GRAMD2B: variants seen among roughly 807,000 people sequenced by gnomAD.
The protein encoded by GRAMD2B is GRAM domain-containing protein 2B.
Under a neutral mutation model 59.2 loss-of-function variants are expected in GRAMD2B, and 41 were observed. That is an observed-to-expected ratio of 0.69 (90% confidence interval 0.54 to 0.90). The LOEUF (loss-of-function observed/expected upper bound fraction) is 0.90, where lower values mean the gene tolerates loss of function less well. GRAMD2B is among the 40% of genes least tolerant of loss of function. The pLI is 0.00. For synonymous variants in GRAMD2B, 161 were observed against 182.7 expected (o/e 0.88, Z 0.96); for missense variants, 424 against 500.5 (o/e 0.85, Z 1.46).
At position 126,493,258 on chromosome 5, in the gene GRAMD2B, C is replaced by T. The variant is rs1283606468; in HGVS notation, c.*302C>T. The T allele has an allele frequency of 1.4e-5, 5 of 348,904 alleles. No individual in the cohort carries two copies. Among genetic ancestry groups the T allele is most frequent in the South Asian group, 9.3e-5 (2 of 21,436 alleles). The allele number at this position is 348,904 out of a possible 1,614,324, so 21.6% of individuals were successfully genotyped here. ...AACACACTCTCTTGGATAATTACCA[C>T]GATGGCGTCAGCAAACACTCCACCC... On this transcript the variant is annotated 3_prime_UTR_variant, in exon 14 of 14. Coordinates refer to ENST00000285689, the MANE Select transcript of GRAMD2B (RefSeq NM_023927.4).
At chr5:126,470,396 G>A (rs759940234) in intron 3 of GRAMD2B, among the ~76,000 whole-genome samples, 31 of 151,682 alleles carry the variant, frequency 2.0e-4, no homozygotes, top group Admixed American at 1.4e-3. Context: ...AAAAACCATC[G>A]GCACACCCAA....
chr5:126,437,761 A>C (rs939124694), intron 1 of GRAMD2B, among the ~76,000 whole-genome samples: 2 of 152,256 alleles, frequency 1.3e-5, no homozygotes, highest in African/African-American at 4.8e-5. Context: ...AAGTACAACC[A>C]AGAGCAGCTA....
At position 126,480,816 on chromosome 5, in the gene GRAMD2B, A is replaced by G. The variant is rs1561597192; in HGVS notation, c.735+109A>G. 4.6e-6 allele frequency: 4 copies of G among 874,532 alleles called. No individual in the cohort carries two copies. In the East Asian group the frequency reaches 7.5e-5, roughly 16 times the overall value. The allele number at this position is 874,532 out of a possible 1,614,324, so 54.2% of individuals were successfully genotyped here. On this transcript the variant is annotated intron_variant, in intron 8 of 13. Coordinates refer to ENST00000285689, the MANE Select transcript of GRAMD2B (RefSeq NM_023927.4). ...TGTGGGAAGAGCTTAGGACCAAAATATTTGAGGTACAGTTGAAGAAACAGG... is the reference window on the plus strand; with the variant it reads ...TGTGGGAAGAGCTTAGGACCAAAATGTTTGAGGTACAGTTGAAGAAACAGG...
At chr5:126,431,142 C>T (rs922638540) in intron 1 of GRAMD2B, among the ~76,000 whole-genome samples, 2 of 152,038 alleles carry the variant, frequency 1.3e-5, no homozygotes, top group Non-Finnish European at 2.9e-5. Flanking sequence ...ACGCTATTGT[C>T]ATTTTAAGGC....
intron 2 of GRAMD2B, chr5:126,467,712 T>C (rs1768720834): frequency 6.6e-6 from 1 of 152,226 alleles, no homozygotes; most frequent in Non-Finnish European, 1.5e-5. Flanking sequence ...TGTTTTTTCA[T>C]AGCTTCCAAA....
At chr5:126,405,140 G>T (rs775389372) in intron 1 of GRAMD2B, among the ~76,000 whole-genome samples, 4 of 151,810 alleles carry the variant, frequency 2.6e-5, no homozygotes, top group Admixed American at 1.3e-4. Flanking sequence ...GCAGAATAAG[G>T]TGAGGAGGTA....
upstream of GRAMD2B, among the ~76,000 whole-genome samples, chr5:126,368,464 C>T (rs998578426): frequency 6.6e-6 from 1 of 152,248 alleles, no homozygotes; most frequent in Admixed American, 6.5e-5. Context: ...GCTATAACTA[C>T]TTGCACATTT....
upstream of GRAMD2B, among the ~76,000 whole-genome samples, chr5:126,370,990 G>A (rs1017942055): frequency 1.3e-5 from 2 of 152,212 alleles, no homozygotes; most frequent in African/African-American, 4.8e-5. Flanking sequence ...CATTTCCTGC[G>A]TGAGTACAGG....
At chr5:126,414,090 C>T (rs541965441) in intron 1 of GRAMD2B, among the ~76,000 whole-genome samples, 15 of 152,240 alleles carry the variant, frequency 9.9e-5, no homozygotes, top group Non-Finnish European at 1.5e-4. Flanking sequence ...TCGACAATCC[C>T]TTAGACATCC....
At chr5:126,403,748 A>G (rs1758027143) in intron 1 of GRAMD2B, among the ~76,000 whole-genome samples, 1 of 151,946 alleles carries the variant, frequency 6.6e-6, no homozygotes, top group African/African-American at 2.4e-5. Flanking sequence ...ATCTCCACAC[A>G]CTGAAAGACT....
chr5:126,473,994 G>T (rs1174257620), intron 5 of GRAMD2B, among the ~76,000 whole-genome samples: 1 of 152,110 alleles, frequency 6.6e-6, no homozygotes, highest in Non-Finnish European at 1.5e-5. Flanking sequence ...ACATCCTGAG[G>T]CATTAAGGAG....
rs1331558008 is a variant in GRAMD2B at position 126,494,259 on chromosome 5, T to A, written c.*1303T>A. The A allele has an allele frequency of 6.6e-6, 1 of 152,016 alleles. No individual in the cohort carries two copies. The highest frequency in any genetic ancestry group is 1.5e-5 in the Non-Finnish European group (1 of 68,008). 9.4% of individuals were successfully genotyped at this position (152,016 alleles called of 1,614,324 possible). A position where few individuals can be genotyped will look rare whatever the true frequency, so the allele number is the denominator to read the frequency against. On this transcript the variant is annotated 3_prime_UTR_variant, in exon 14 of 14. Coordinates refer to ENST00000285689, the MANE Select transcript of GRAMD2B (RefSeq NM_023927.4). ...CCATCTACTACTACCAACTCACTTA[T>A]ACTTCCTTCCTCCCAAGTAATCATT...
At chr5:126,450,142 G>A (rs1207295741) in intron 1 of GRAMD2B, among the ~76,000 whole-genome samples, 3 of 152,036 alleles carry the variant, frequency 2.0e-5, no homozygotes, top group South Asian at 2.1e-4. Context: ...TGTAGTTATC[G>A]TAGATGCCAG....
At chr5:126,363,985 T>C (rs1215237683) in intron 1 of GRAMD2B, among the ~76,000 whole-genome samples, 3 of 152,256 alleles carry the variant, frequency 2.0e-5, no homozygotes, top group Non-Finnish European at 4.4e-5. Context: ...ATGTAAATTA[T>C]ATCTTAATAA....
At chr5:126,419,950 G>C (rs1418319972), upstream of GRAMD2B, among the ~76,000 whole-genome samples, 3 of 151,518 alleles carry the variant, frequency 2.0e-5, no homozygotes, top group East Asian at 5.8e-4. Context: ...AGCTACTCGA[G>C]AGGCTGAGGC....
At chr5:126,389,171 C>T (rs1453255675) in intron 1 of GRAMD2B, among the ~76,000 whole-genome samples, 8 of 152,158 alleles carry the variant, frequency 5.3e-5, no homozygotes, top group Admixed American at 5.2e-4. Flanking sequence ...TTAGTTTGCT[C>T]TCCTGTTAAA....
intron 2 of GRAMD2B, among the ~76,000 whole-genome samples, chr5:126,468,699 G>T (rs1207532462): frequency 6.6e-6 from 1 of 151,872 alleles, no homozygotes; most frequent in Non-Finnish European, 1.5e-5. Flanking sequence ...TGTTGGCCAG[G>T]CCGGTCTCAA....
At chr5:126,424,801 AC>A (rs1481885939) in intron 1 of GRAMD2B, among the ~76,000 whole-genome samples, 11 of 152,238 alleles carry the variant, frequency 7.2e-5, no homozygotes, top group Admixed American at 7.2e-4. Context: ...ATGCATTCTC[AC>A]AAAGAATGAG....
chr5:126,481,417 A>G (rs1199348669), intron 8 of GRAMD2B, among the ~76,000 whole-genome samples: 3 of 152,156 alleles, frequency 2.0e-5, no homozygotes, highest in African/African-American at 7.2e-5. Context: ...CAACCATACC[A>G]TTCAAATGAT....
Sources: gnomAD v4.1 joint callset for allele counts (sites outside exome capture counted in the v4.1 genomes callset) on GRCh38, gnomAD v4.1.1 for gene constraint, MANE v1.5 for transcripts, NCBI Gene and HGNC (gene_info 2026-07-23, HGNC 2026-07-21) for gene names.